The following FOXF2 variants were observed in gnomAD, a reference collection of about 807,000 sequenced individuals.
The protein encoded by FOXF2 is forkhead box protein F2.
FOXF2 carries 15 observed loss-of-function variants against 29.1 expected under a neutral mutation model. The ratio of observed to expected loss-of-function variants is 0.52; its 90% CI spans 0.35 to 0.79. FOXF2 has a LOEUF of 0.79. Among genes scored for constraint, FOXF2 ranks in the 30% least tolerant of loss-of-function variants. The pLI, the probability that FOXF2 is intolerant of heterozygous loss-of-function variation, is 0.01. For missense variants in FOXF2, 675 were observed against 667.1 expected, an observed-to-expected ratio of 1.01 and a Z score of -0.13; for synonymous variants, 337 against 316.5, an observed-to-expected ratio of 1.06 and a Z score of -0.69.
Position 1,390,732 on chromosome 6 carries a change from A to G in FOXF2, c.785A>G (p.His262Arg). 1 of 1,426,802 alleles carries G rather than the reference A, an allele frequency of 7.0e-7. No individual in the cohort carries two copies. The highest frequency in any genetic ancestry group is 9.1e-7 in the Non-Finnish European group (1 of 1,102,434). 88.4% of individuals were successfully genotyped at this position (1,426,802 alleles called of 1,614,324 possible). The part of the protein sequence containing the change: ...GYDAGAGAPS[H>R]AHPHHHHHHH... The stretch of plus-strand genomic sequence containing the variant: ...GACGCCGGCGCGGGCGCCCCCAGCC[A>G]CGCGCACCCTCACCACCACCACCAC... The change falls in exon 1 of 2, where the codon CAC becomes CGC. Residue 262 changes from histidine (H) to arginine (R), a missense_variant. Transcript: ENST00000645481. This position sits in a 1 kb window ranked among gnomAD's most constrained non-coding sequence, Gnocchi z 8.5.
At chr6:1,392,143 G>C (rs1408412900) in intron 1 of FOXF2, among the ~76,000 whole-genome samples, 1 of 152,176 alleles carries the variant, frequency 6.6e-6, no homozygotes, top group Non-Finnish European at 1.5e-5. Flanking sequence ...CATGCTTTAT[G>C]TGTTCCTGAG....
Position 1,395,118 on chromosome 6 carries a change from A to G in FOXF2, c.*259A>G, listed in dbSNP as rs1758878049. 1 of 540,618 alleles carries G rather than the reference A, an allele frequency of 1.8e-6. No homozygotes were observed. The allele number at this position is 540,618 out of a possible 1,614,324, so 33.5% of individuals were successfully genotyped here. A position where few individuals can be genotyped will look rare whatever the true frequency, so the allele number is the denominator to read the frequency against. ...AGGGAGAGGGCAGACTCAGGTGGGA[A>G]GATGTGCCATGCGTAAGGCATCAAC... On this transcript the variant is annotated 3_prime_UTR_variant, in exon 2 of 2. Coordinates refer to ENST00000645481, the MANE Select transcript of FOXF2 (RefSeq NM_001452.2).
At chr6:1,394,627 A>C in intron 1 of FOXF2, 69 bp from the exon 2 acceptor site, 2 of 1,524,040 alleles carry the variant, frequency 1.3e-6, no homozygotes, top group South Asian at 2.2e-5. Flanking sequence ...TCTGAGGCAA[A>C]ATAAGACACC....
At position 1,390,873 on chromosome 6, in the gene FOXF2, G is replaced by C. The variant is rs1162378472; in HGVS notation, c.926G>C (p.Gly309Ala). Residue 309 changes from glycine to alanine, a missense_variant, in exon 1 of 2, where the codon GGG becomes GCG. By Grantham distance (60) the Gly-to-Ala change is moderately conservative. Around this residue, in one of 3 missense-constraint regions of FOXF2, gnomAD observed 451 missense variants for 437.2 expected, o/e 1.03. Coordinates refer to ENST00000645481, the MANE Select transcript of FOXF2 (RefSeq NM_001452.2). This position sits in a 1 kb window ranked among gnomAD's most constrained non-coding sequence, Gnocchi z 8.5. ...AAGGGGGGDY[G>A]PDSSSSPVPS... Reference sequence around the variant, plus strand: ...GGGGGCGGCGGCGGCGGCGACTACGGGCCGGACAGCAGCAGCAGCCCGGTA... The same window carrying C: ...GGGGGCGGCGGCGGCGGCGACTACGCGCCGGACAGCAGCAGCAGCCCGGTA... 1 of 1,519,858 alleles carries C rather than the reference G, an allele frequency of 6.6e-7. No individual in the cohort carries two copies. The highest frequency in any genetic ancestry group is 8.8e-7 in the Non-Finnish European group (1 of 1,140,078). 94.1% of individuals were successfully genotyped at this position (1,519,858 alleles called of 1,614,324 possible).
chr6:1,392,897 G>A (rs901235976), intron 1 of FOXF2, among the ~76,000 whole-genome samples: 2 of 152,170 alleles, frequency 1.3e-5, no homozygotes, highest in African/African-American at 4.8e-5. Context: ...ACAATAGCTC[G>A]GGCCTGACGC....
At chr6:1,394,227 G>A (rs914868455) in intron 1 of FOXF2, among the ~76,000 whole-genome samples, 1 of 152,140 alleles carries the variant, frequency 6.6e-6, no homozygotes, top group Non-Finnish European at 1.5e-5. Flanking sequence ...CAGTTAGTTG[G>A]GAAACAAGGC....
chr6:1,390,009 G>A lies in FOXF2; in HGVS notation c.62G>A (p.Gly21Asp), dbSNP rs990944119. The A allele has an allele frequency of 1.2e-4, 139 of 1,139,152 alleles. No individual in the cohort carries two copies. Among genetic ancestry groups the A allele is most frequent in the Non-Finnish European group, 1.5e-4 (139 of 934,974 alleles). 70.6% of individuals were successfully genotyped at this position (1,139,152 alleles called of 1,614,324 possible). A position where few individuals can be genotyped will look rare whatever the true frequency, so the allele number is the denominator to read the frequency against. Residue 21 changes from glycine (G) to aspartate (D), a missense_variant, in exon 1 of 2, where the codon GGC becomes GAC. By Grantham distance (94) the Gly-to-Asp change is moderately conservative (BLOSUM62 -1). This residue lies in a region of FOXF2 where 220 missense variants were observed against 205.5 expected (regional missense o/e 1.07). Transcript: ENST00000645481. This position sits in a 1 kb window ranked among gnomAD's most constrained non-coding sequence, Gnocchi z 8.5. ...PLRRACSPVPGALQAALMSPP... is the reference protein window; with the variant it reads ...PLRRACSPVPDALQAALMSPP... ...CGCCGCGCGTGCAGCCCGGTCCCCG[G>A]CGCGCTCCAGGCCGCCCTGATGAGC...
chr6:1,394,106 G>C (rs1043399129), intron 1 of FOXF2, among the ~76,000 whole-genome samples: 34 of 152,358 alleles, frequency 2.2e-4, no homozygotes, highest in African/African-American at 7.7e-4. Flanking sequence ...CTGCGGAGGG[G>C]CAGGAGAAGA....
At chr6:1,391,246 G>T in intron 1 of FOXF2, 128 bp downstream of exon 1, 1 of 1,485,656 alleles carries the variant, frequency 6.7e-7, no homozygotes, top group Non-Finnish European at 9.1e-7. Flanking sequence ...GGGAAAAGCA[G>T]ATGCTGGGGA....
chr6:1,390,698 G>A lies in FOXF2; in HGVS notation c.751G>A (p.Ala251Thr), dbSNP rs1447031654. 1.3e-6 allele frequency: 2 copies of A among 1,496,428 alleles called. No individual in the cohort carries two copies. Among genetic ancestry groups the A allele is most frequent in the Non-Finnish European group, 8.8e-7 (1 of 1,131,982 alleles). 92.7% of individuals were successfully genotyped at this position (1,496,428 alleles called of 1,614,324 possible). The stretch of plus-strand genomic sequence containing the variant: ...CTACGGCGGCCTCGACATGATGCCC[G>A]CGGGCTACGACGCCGGCGCGGGCGC... ...GGYGGLDMMP[A>T]GYDAGAGAPS... Residue 251 changes from alanine to threonine, a missense_variant, in exon 1 of 2, where the codon GCG (alanine) becomes ACG (threonine). Transcript: ENST00000645481. The surrounding 1 kb of genome is among the most constrained non-coding windows in gnomAD (Gnocchi z 8.5).
At chr6:1,393,184 GCACACCCC>G (rs1308490345) in intron 1 of FOXF2, among the ~76,000 whole-genome samples, 6 of 151,916 alleles carry the variant, frequency 3.9e-5, no homozygotes, top group Non-Finnish European at 8.8e-5. Context: ...CCCTCCCCCA[GCACACCCC>G]AAGGGCCGCG....
chr6:1,391,384 G>A (rs1165616389), intron 1 of FOXF2, among the ~76,000 whole-genome samples: 1 of 152,212 alleles, frequency 6.6e-6, no homozygotes, highest in Admixed American at 6.5e-5. Flanking sequence ...CTGCCTTCCT[G>A]GGCTCTTTGG....
At chr6:1,393,257 G>T (rs1195104189) in intron 1 of FOXF2, among the ~76,000 whole-genome samples, 2 of 152,072 alleles carry the variant, frequency 1.3e-5, no homozygotes, top group East Asian at 1.9e-4. Flanking sequence ...CGGCGCAGGG[G>T]CTGCCCTGGA....
At chr6:1,394,210 A>G (rs1018815356) in intron 1 of FOXF2, among the ~76,000 whole-genome samples, 1 of 152,084 alleles carries the variant, frequency 6.6e-6, no homozygotes, top group Non-Finnish European at 1.5e-5. Context: ...CGCTGCTGTG[A>G]CCGGCCCAGT....
intron 1 of FOXF2, among the ~76,000 whole-genome samples, chr6:1,392,974 G>T (rs1412417895): frequency 6.6e-6 from 1 of 152,168 alleles, no homozygotes; most frequent in African/African-American, 2.4e-5. Flanking sequence ...TACCCACCCG[G>T]CCCTGTTGCC....
intron 1 of FOXF2, among the ~76,000 whole-genome samples, chr6:1,392,434 T>TCACTCACACA (rs1554124327): frequency 0.035 from 3,789 of 107,664 alleles, 100 homozygotes; most frequent in South Asian, 0.062. Context: ...CGGCTGTCAA[T>TCACTCACACA]CACACACACA....
In FOXF2 at chr6:1,391,117, A is replaced by T; in HGVS notation, c.1170A>T (p.Ser390=). The change falls in exon 1 of 2, where the codon TCA becomes TCT. Residue 390 remains serine, a splice_region_variant and synonymous_variant. Coordinates refer to ENST00000645481, the MANE Select transcript of FOXF2 (RefSeq NM_001452.2). ...YLHQNAREDL[S]VGLPRYQHHS... ...ACCAGAACGCTCGCGAGGACCTCTC[A>T]GGTAACGCAGCACGCTCCAGCCCAG... The T allele has an allele frequency of 6.2e-7, 1 of 1,600,982 alleles. No homozygotes were observed. Among genetic ancestry groups the T allele is most frequent in the Non-Finnish European group, 8.5e-7 (1 of 1,179,740 alleles).
In FOXF2 at chr6:1,390,883, C is replaced by G. The variant is rs1758773069; in HGVS notation, c.936C>G (p.Ser312Arg). ...GCGGCGGCGACTACGGGCCGGACAG[C>G]AGCAGCAGCCCGGTACCCTCGTCCC... ...GGGGGDYGPD[S>R]SSSPVPSSPA... The change falls in exon 1 of 2, where the codon AGC becomes AGG. Residue 312 changes from serine (S) to arginine (R), a missense_variant. Coordinates refer to ENST00000645481, the MANE Select transcript of FOXF2 (RefSeq NM_001452.2). The surrounding 1 kb of genome is among the most constrained non-coding windows in gnomAD (Gnocchi z 8.5). 4.6e-6 allele frequency: 7 copies of G among 1,531,242 alleles called. No individual in the cohort carries two copies. The highest frequency in any genetic ancestry group is 6.1e-6 in the Non-Finnish European group (7 of 1,144,260). The allele number at this position is 1,531,242 out of a possible 1,614,324, so 94.9% of individuals were successfully genotyped here.
In FOXF2 at chr6:1,395,057, C is replaced by T. The variant is rs544477727; in HGVS notation, c.*198C>T. ...AGAAGGACAACCGCTGGCAAGGTAG[C>T]GTTCCCCAATCTGAATACCTGCAGG... On this transcript the variant is annotated 3_prime_UTR_variant, in exon 2 of 2. Coordinates refer to ENST00000645481, the MANE Select transcript of FOXF2 (RefSeq NM_001452.2). 4 of 613,110 alleles carry T rather than the reference C, an allele frequency of 6.5e-6. No individual in the cohort carries two copies. Among genetic ancestry groups the T allele is most frequent in the South Asian group, 5.8e-5 (3 of 51,998 alleles). The allele number at this position is 613,110 out of a possible 1,614,324, so 38.0% of individuals were successfully genotyped here. A position where few individuals can be genotyped will look rare whatever the true frequency, so the allele number is the denominator to read the frequency against.
Sources: allele counts gnomAD v4.1 joint callset (sites outside exome capture counted in the v4.1 genomes callset), GRCh38; gene constraint gnomAD v4.1.1; regional missense constraint gnomAD v4.1.1; non-coding constraint Gnocchi (gnomAD v3.1); transcripts MANE v1.5; gene names NCBI Gene and HGNC (gene_info 2026-07-23, HGNC 2026-07-21).